The following ALK variants were observed in gnomAD, a reference collection of about 807,000 sequenced individuals.
The protein encoded by ALK is ALK receptor tyrosine kinase.
In ALK, 74 loss-of-function variants were observed where a neutral mutation model predicts 163.1. The observed-to-expected ratio is 0.45, with a 90% CI of 0.38 to 0.55. The LOEUF (loss-of-function observed/expected upper bound fraction) is 0.55, where lower values mean the gene tolerates loss of function less well. ALK is among the 20% of genes least tolerant of loss of function. The pLI, the probability that ALK is intolerant of heterozygous loss-of-function variation, is 0.00. For missense variants in ALK, 2,063 were observed against 2,105.3 expected, an observed-to-expected ratio of 0.98 and a Z score of 0.39; for synonymous variants, 960 against 843.2, an observed-to-expected ratio of 1.14 and a Z score of -2.40.
At chr2:29,618,284 CT>C (rs1156832596) in intron 3 of ALK, among the ~76,000 whole-genome samples, 2 of 152,328 alleles carry the variant, frequency 1.3e-5, no homozygotes, top group South Asian at 2.1e-4. Context: ...CAAAGTCCAA[CT>C]TTTTTTCCTG....
chr2:29,608,196 G>C (rs1468663767), intron 3 of ALK, among the ~76,000 whole-genome samples: 3 of 152,080 alleles, frequency 2.0e-5, no homozygotes, highest in Non-Finnish European at 4.4e-5. Context: ...GTGCTCCCTT[G>C]CCATGCTTTC....
At chr2:29,359,685 C>A (rs1273748920) in intron 5 of ALK, among the ~76,000 whole-genome samples, 3 of 152,162 alleles carry the variant, frequency 2.0e-5, no homozygotes, top group African/African-American at 7.2e-5. Context: ...GCTCCCAAAG[C>A]CTTTGAATGG....
rs1416798138 is a variant in ALK, at chr2:29,193,711, G to A, written c.4376C>T (p.Ala1459Val). ...SGKAAKKPTA[A>V]EISVRVPRGP... ...TCTAGGGACTCGAACAGAGATCTCT[G>A]CAGCTGTGGGTTTCTTTGCAGCCTT... The change falls in exon 29 of 29, where the codon GCA (alanine) becomes GTA (valine). Residue 1459 changes from alanine (A) to valine (V), a missense_variant. Around this residue, in one of 5 missense-constraint regions of ALK, gnomAD observed 403 missense variants for 366.2 expected, o/e 1.10. Coordinates refer to ENST00000389048, the MANE Select transcript of ALK (RefSeq NM_004304.5). 1.2e-6 allele frequency: 2 copies of A among 1,609,066 alleles called. No homozygotes were observed. Among genetic ancestry groups the A allele is most frequent in the African/African-American group, 1.3e-5 (1 of 74,782 alleles).
intron 3 of ALK, 24 bp downstream of exon 3, chr2:29,694,826 C>G: frequency 6.2e-7 from 1 of 1,613,074 alleles, no homozygotes; most frequent in Non-Finnish European, 8.5e-7. Context: ...CCACCCAGGA[C>G]ATCACCAGCA....
chr2:29,897,924 G>C (rs983786309), intron 1 of ALK, among the ~76,000 whole-genome samples: 20 of 152,242 alleles, frequency 1.3e-4, no homozygotes, highest in South Asian at 1.2e-3. Context: ...TTGTGCTATA[G>C]AGAGAGGTGG....
chr2:29,733,776 G>A (rs561006892), intron 1 of ALK, among the ~76,000 whole-genome samples: 1 of 152,302 alleles, frequency 6.6e-6, no homozygotes, highest in African/African-American at 2.4e-5. Flanking sequence ...TTTGTAGACA[G>A]GAGGGGAAGA....
At chr2:29,575,459 C>A (rs965744578) in intron 3 of ALK, among the ~76,000 whole-genome samples, 2 of 152,136 alleles carry the variant, frequency 1.3e-5, no homozygotes, top group African/African-American at 4.8e-5. Context: ...CCACCTGACC[C>A]AGTCTCCTAA....
chr2:29,708,271 C>A (rs1316688634), intron 2 of ALK, among the ~76,000 whole-genome samples: 1 of 152,114 alleles, frequency 6.6e-6, no homozygotes, highest in Non-Finnish European at 1.5e-5. Context: ...GTTTCACCAT[C>A]TTGGCCAGGC....
chr2:29,673,450 C>T (rs924239826), intron 3 of ALK, among the ~76,000 whole-genome samples: 1 of 134,714 alleles, frequency 7.4e-6, no homozygotes, highest in African/African-American at 3.0e-5. Flanking sequence ...TTCCCCATTG[C>T]TTGTTTTTCT....
intron 3 of ALK, among the ~76,000 whole-genome samples, chr2:29,570,841 A>G (rs1400632903): frequency 6.6e-6 from 1 of 152,204 alleles, no homozygotes; most frequent in African/African-American, 2.4e-5. Flanking sequence ...CAAAACTTTT[A>G]TTTACCTGTT....
intron 4 of ALK, among the ~76,000 whole-genome samples, chr2:29,436,760 G>A (rs911087264): frequency 3.9e-5 from 6 of 152,114 alleles, no homozygotes; most frequent in African/African-American, 7.2e-5. Flanking sequence ...TTGATACCTC[G>A]GAATTCTTTA....
chr2:29,557,803 G>A (rs1171649366), intron 3 of ALK, among the ~76,000 whole-genome samples: 1 of 152,164 alleles, frequency 6.6e-6, no homozygotes, highest in East Asian at 1.9e-4. Flanking sequence ...TAATAATGGA[G>A]ATTGAGATTT....
At chr2:29,533,907 G>A (rs74909651) in intron 3 of ALK, among the ~76,000 whole-genome samples, 11,972 of 152,186 alleles carry the variant, frequency 0.079, 1,463 homozygotes, top group African/African-American at 0.27. Context: ...GGGAAGATCC[G>A]TAAAGAGGAA....
In ALK at chr2:29,310,736, C is replaced by T. The variant is rs1291555012; in HGVS notation, c.1647+7568G>A. Among the ~76,000 whole-genome samples the T allele has an allele frequency of 2.6e-5, 4 of 152,226 alleles. No homozygotes were observed. The East Asian group carries it at 7.7e-4, about 29-fold the overall frequency. ...CAGTGTCCCTCCCTCGCTCATCCCT[C>T]TTGCTCGGGGTCCGTGTGTGCATCC... is the stretch of plus-strand genomic sequence containing the variant. On this transcript the variant is annotated intron_variant, in intron 8 of 28. Coordinates refer to ENST00000389048, the MANE Select transcript of ALK (RefSeq NM_004304.5).
intron 1 of ALK, among the ~76,000 whole-genome samples, chr2:29,791,633 AT>A (rs1455326579): frequency 2.1e-4 from 30 of 141,836 alleles, no homozygotes; most frequent in South Asian, 7.1e-4. Context: ...ATAATTAAAA[AT>A]ATATATATAT....
intron 3 of ALK, among the ~76,000 whole-genome samples, chr2:29,641,863 A>G (rs917685037): frequency 6.6e-6 from 1 of 152,188 alleles, no homozygotes; most frequent in Non-Finnish European, 1.5e-5. Context: ...CATGGAATTC[A>G]ATTAGTCTCT....
chr2:29,680,806 A>T (rs988356229), intron 3 of ALK, among the ~76,000 whole-genome samples: 4 of 152,062 alleles, frequency 2.6e-5, no homozygotes, highest in Non-Finnish European at 5.9e-5. Context: ...AATGTATTAC[A>T]GCAATTCTGG....
At chr2:29,207,793 G>T (rs188399973) in intron 25 of ALK, among the ~76,000 whole-genome samples, 5 of 152,324 alleles carry the variant, frequency 3.3e-5, no homozygotes, top group African/African-American at 1.2e-4. Context: ...CCAGACAAAA[G>T]AACACAGGGC....
chr2:29,756,372 T>G (rs1348466607), intron 1 of ALK, among the ~76,000 whole-genome samples: 2 of 152,194 alleles, frequency 1.3e-5, no homozygotes, highest in African/African-American at 2.4e-5. Flanking sequence ...CCAGCTAGGT[T>G]GTAAACTCAG....
Sources: gnomAD v4.1 joint callset for allele counts (sites outside exome capture counted in the v4.1 genomes callset) on GRCh38, gnomAD v4.1.1 for gene constraint, gnomAD v4.1.1 regional missense constraint, MANE v1.5 for transcripts, NCBI Gene and HGNC (gene_info 2026-07-23, HGNC 2026-07-21) for gene names.